NCBP1: variants seen among roughly 807,000 people sequenced by gnomAD.
The protein encoded by NCBP1 is nuclear cap-binding protein subunit 1.
In NCBP1, 16 loss-of-function variants were observed where a neutral mutation model predicts 111.7. The ratio of observed to expected loss-of-function variants is 0.14; its 90% CI spans 0.10 to 0.22. The LOEUF (loss-of-function observed/expected upper bound fraction) is 0.22. Among genes scored for constraint, NCBP1 ranks in the 10% least tolerant of loss-of-function variants. The pLI is 1.00. For synonymous variants in NCBP1, 304 were observed against 314.3 expected (o/e 0.97, Z 0.35); for missense variants, 607 against 957.5 (o/e 0.63, Z 4.83).
intron 17 of NCBP1, 30 bp from the exon 18 acceptor site, chr9:97,662,924 A>G: frequency 6.8e-7 from 1 of 1,474,470 alleles, no homozygotes; most frequent in Non-Finnish European, 9.4e-7. Flanking sequence ...ATAAGTATAT[A>G]TGGTATTTTT....
intron 15 of NCBP1, among the ~76,000 whole-genome samples, chr9:97,658,964 C>G (rs1233810243): frequency 1.3e-5 from 2 of 152,094 alleles, no homozygotes; most frequent in Non-Finnish European, 2.9e-5. Flanking sequence ...ATCATTTTTT[C>G]TCTTTTGAAT....
At chr9:97,640,592 G>C (rs569358274) in intron 1 of NCBP1, among the ~76,000 whole-genome samples, 2 of 152,162 alleles carry the variant, frequency 1.3e-5, no homozygotes, top group South Asian at 4.1e-4. Flanking sequence ...ATGCCTCCTG[G>C]AGTTATTGTA....
chr9:97,650,673 T>C (rs1827473574), intron 9 of NCBP1, 73 bp downstream of exon 9: 2 of 1,299,864 alleles, frequency 1.5e-6, no homozygotes, highest in Middle Eastern at 1.9e-4. Context: ...GAGCAAAATA[T>C]ATGTTGAGAG....
intron 19 of NCBP1, 123 bp downstream of exon 19, chr9:97,664,566 T>C (rs1253600833): frequency 3.2e-6 from 2 of 620,270 alleles, no homozygotes; most frequent in Non-Finnish European, 5.5e-6. Flanking sequence ...TGGTCCAATC[T>C]GGTAGGATTG....
chr9:97,633,824 C>G lies in NCBP1; in HGVS notation c.-58C>G, dbSNP rs1027197186. 48 of 1,536,244 alleles carry G rather than the reference C, an allele frequency of 3.1e-5. No individual in the cohort carries two copies. In the South Asian group the frequency reaches 4.1e-4, roughly 13 times the overall value. On this transcript the variant is annotated 5_prime_UTR_variant, in exon 1 of 23. Transcript: ENST00000375147. ...GTCCTTGCGTCGGCCAGCGGCCAGA[C>G]AGTTCCTGCAGCGCTTACCGCCTGG...
At chr9:97,654,002 A>T (rs1827570120) in intron 11 of NCBP1, 94 bp downstream of exon 11, 3 of 1,105,746 alleles carry the variant, frequency 2.7e-6, no homozygotes, top group Non-Finnish European at 3.9e-6. Flanking sequence ...TTTGTAGGTA[A>T]AAAATGTGGC....
intron 1 of NCBP1, among the ~76,000 whole-genome samples, chr9:97,639,917 G>T (rs1411243121): frequency 2.7e-5 from 4 of 150,866 alleles, no homozygotes; most frequent in African/African-American, 7.3e-5. Context: ...GCTTGGTAAT[G>T]ATTTTAGAAT....
At chr9:97,643,119 G>A (rs1420118615) in intron 3 of NCBP1, 85 bp from the exon 4 acceptor site, 1 of 1,348,302 alleles carries the variant, frequency 7.4e-7, no homozygotes, top group Non-Finnish European at 1.0e-6. Flanking sequence ...CAAAGTTAAT[G>A]GAATGATAAA....
chr9:97,643,645 C>T (rs569837637), intron 4 of NCBP1, among the ~76,000 whole-genome samples: 12 of 152,162 alleles, frequency 7.9e-5, no homozygotes, highest in African/African-American at 2.6e-4. Flanking sequence ...TTTCTGCCCT[C>T]TCCCCAGCTC....
chr9:97,641,036 TG>T (rs1229694844), intron 2 of NCBP1, among the ~76,000 whole-genome samples, 154 bp downstream of exon 2: 1 of 152,128 alleles, frequency 6.6e-6, no homozygotes, highest in Non-Finnish European at 1.5e-5. Context: ...TTGAAGCCCC[TG>T]GGATGTAGAT....
intron 19 of NCBP1, among the ~76,000 whole-genome samples, chr9:97,665,796 T>G (rs1489320710): frequency 7.8e-6 from 1 of 127,558 alleles, no homozygotes; most frequent in Non-Finnish European, 1.6e-5. Context: ...CATAGAACTT[T>G]TAACTGCATG....
intron 18 of NCBP1, among the ~76,000 whole-genome samples, chr9:97,663,936 T>C (rs1239953409): frequency 1.3e-5 from 2 of 151,580 alleles, no homozygotes; most frequent in Non-Finnish European, 2.9e-5. Flanking sequence ...CCTAGCACTT[T>C]GGGAGGCCGA....
At chr9:97,634,311 G>A (rs1826929328) in intron 1 of NCBP1, among the ~76,000 whole-genome samples, 1 of 152,228 alleles carries the variant, frequency 6.6e-6, no homozygotes, top group Admixed American at 6.5e-5. Flanking sequence ...AAAGGGCTCG[G>A]AAGAATTCAC....
chr9:97,658,858 C>A (rs1384741236), intron 15 of NCBP1, 115 bp downstream of exon 15: 2 of 787,966 alleles, frequency 2.5e-6, no homozygotes. Flanking sequence ...TTTATATTTC[C>A]TGTATTTGAA....
chr9:97,648,350 C>T, intron 8 of NCBP1, 127 bp downstream of exon 8: 1 of 777,410 alleles, frequency 1.3e-6, no homozygotes, highest in East Asian at 2.7e-5. Context: ...AGGTCAGTAG[C>T]AATGAAGTTA....
intron 5 of NCBP1, 130 bp downstream of exon 5, chr9:97,645,354 A>C: frequency 1.3e-6 from 1 of 785,302 alleles, no homozygotes; most frequent in South Asian, 1.7e-5. Flanking sequence ...ACAGCAGACT[A>C]TCACACTTTA....
At chr9:97,652,164 C>T (rs964384176) in intron 10 of NCBP1, among the ~76,000 whole-genome samples, 4 of 152,164 alleles carry the variant, frequency 2.6e-5, no homozygotes, top group Non-Finnish European at 5.9e-5. Flanking sequence ...CCACCACGCC[C>T]GGCTAATTTT....
rs542080497 is a variant in NCBP1, at chr9:97,652,952, T to A, written c.1060-846T>A. Reference sequence around the variant, plus strand: ...GATGCAGACTAGGGCTTTAGAATTCTAGACAGGTGGTCCACCAATTATACA... The same window carrying A: ...GATGCAGACTAGGGCTTTAGAATTCAAGACAGGTGGTCCACCAATTATACA... On this transcript the variant is annotated intron_variant, in intron 10 of 22. Transcript: ENST00000375147. Among the ~76,000 whole-genome samples the A allele has an allele frequency of 3.3e-5, 5 of 152,284 alleles. No individual in the cohort carries two copies. In the East Asian group the frequency reaches 7.7e-4, roughly 24 times the overall value.
At chr9:97,654,107 T>C (rs1296240204) in intron 11 of NCBP1, among the ~76,000 whole-genome samples, 199 bp downstream of exon 11, 7 of 152,214 alleles carry the variant, frequency 4.6e-5, no homozygotes, top group Non-Finnish European at 1.0e-4. Flanking sequence ...TCCTTCACTA[T>C]TTGGGTCAGG....
Sources: allele counts gnomAD v4.1 joint callset (sites outside exome capture counted in the v4.1 genomes callset), GRCh38; gene constraint gnomAD v4.1.1; transcripts MANE v1.5; gene names NCBI Gene and HGNC (gene_info 2026-07-23, HGNC 2026-07-21).